Variants in ATL1 observed in about 807,000 individuals in gnomAD.
The protein encoded by ATL1 is atlastin GTPase 1.
ATL1 carries 31 observed loss-of-function variants against 75.5 expected under a neutral mutation model. The observed-to-expected ratio is 0.41, with a 90% CI of 0.31 to 0.55. The LOEUF (loss-of-function observed/expected upper bound fraction) is 0.55. Among genes scored for constraint, ATL1 ranks in the 20% least tolerant of loss-of-function variants. The pLI, the probability that ATL1 is intolerant of heterozygous loss-of-function variation, is 0.27. For synonymous variants in ATL1, 226 were observed against 233.3 expected (o/e 0.97, Z 0.28); for missense variants, 405 against 662.6 (o/e 0.61, Z 4.27).
intron 1 of ATL1, among the ~76,000 whole-genome samples, chr14:50,538,654 G>T (rs1306478733): frequency 6.6e-6 from 1 of 152,176 alleles, no homozygotes; most frequent in Non-Finnish European, 1.5e-5. Flanking sequence ...ATGCTTGGCT[G>T]GGATCCTATC....
intron 1 of ATL1, among the ~76,000 whole-genome samples, chr14:50,584,076 C>A (rs569123480): frequency 3.3e-5 from 5 of 152,246 alleles, no homozygotes; most frequent in African/African-American, 1.2e-4. Context: ...CAAAAGCAAA[C>A]TTTAAAACAT....
At chr14:50,573,561 T>G in intron 1 of ATL1, among the ~76,000 whole-genome samples, 1 of 152,226 alleles carries the variant, frequency 6.6e-6, no homozygotes, top group Admixed American at 6.5e-5. Context: ...TTTTTAATTT[T>G]TATAAATATC....
At chr14:50,591,847 G>C (rs1465746435) in intron 4 of ATL1, 2 of 528,680 alleles carry the variant, frequency 3.8e-6, no homozygotes, top group Admixed American at 6.5e-5. Flanking sequence ...CTTTCAAATT[G>C]ACTGCTTTGG....
chr14:50,567,450 C>T (rs1055931114), intron 1 of ATL1, among the ~76,000 whole-genome samples: 14 of 151,994 alleles, frequency 9.2e-5, no homozygotes, highest in African/African-American at 2.9e-4. Context: ...CCTTTGAGAC[C>T]CTGCTTTCAA....
chr14:50,614,719 G>A (rs942246861), intron 8 of ATL1, among the ~76,000 whole-genome samples: 1 of 152,078 alleles, frequency 6.6e-6, no homozygotes, highest in African/African-American at 2.4e-5. Flanking sequence ...TACACTGCCT[G>A]CAAAAATAGG....
At chr14:50,632,089 GATA>G (rs746028803) in intron 13 of ATL1, 137 bp from the exon 14 acceptor site, 6 of 562,548 alleles carry the variant, frequency 1.1e-5, no homozygotes, top group South Asian at 2.4e-5. Flanking sequence ...TGAATTTTAA[GATA>G]ATAATTTATA....
intron 1 of ATL1, among the ~76,000 whole-genome samples, chr14:50,538,863 C>A (rs983695325): frequency 6.6e-6 from 1 of 152,184 alleles, no homozygotes; most frequent in Non-Finnish European, 1.5e-5. Context: ...GGCTAGAATG[C>A]AGTGGCTATT....
At chr14:50,604,936 G>A (rs1300220917) in intron 6 of ATL1, among the ~76,000 whole-genome samples, 1 of 152,194 alleles carries the variant, frequency 6.6e-6, no homozygotes, top group Non-Finnish European at 1.5e-5. Context: ...GATACTTCAA[G>A]TAATTAGATG....
chr14:50,573,805 C>T (rs1440690786), intron 1 of ATL1, among the ~76,000 whole-genome samples: 3 of 152,092 alleles, frequency 2.0e-5, no homozygotes, highest in Non-Finnish European at 4.4e-5. Context: ...TTATTTTGCT[C>T]ATAGACCTTT....
chr14:50,582,441 A>G (rs1057401554), intron 1 of ATL1, among the ~76,000 whole-genome samples: 1 of 147,032 alleles, frequency 6.8e-6, no homozygotes, highest in African/African-American at 2.5e-5. Context: ...ACGGAGTCTC[A>G]CTCTGTCACC....
chr14:50,562,027 G>A (rs7152427), intron 1 of ATL1, among the ~76,000 whole-genome samples: 4 of 151,874 alleles, frequency 2.6e-5, no homozygotes, highest in Admixed American at 1.3e-4. Context: ...TCATTATTGC[G>A]CAGAATTTCC....
At chr14:50,552,910 A>C (rs897618640) in intron 1 of ATL1, among the ~76,000 whole-genome samples, 1 of 152,236 alleles carries the variant, frequency 6.6e-6, no homozygotes, top group Non-Finnish European at 1.5e-5. Context: ...CAAAGATTCT[A>C]GAAGATAACA....
chr14:50,552,070 CTG>C (rs1223320571), intron 1 of ATL1, among the ~76,000 whole-genome samples: 1 of 152,184 alleles, frequency 6.6e-6, no homozygotes, highest in African/African-American at 2.4e-5. Flanking sequence ...GGAAGTCAAA[CTG>C]TTGCTGTTCG....
At chr14:50,612,441 C>T (rs2039375136) in intron 6 of ATL1, among the ~76,000 whole-genome samples, 1 of 152,064 alleles carries the variant, frequency 6.6e-6, no homozygotes, top group African/African-American at 2.4e-5. Flanking sequence ...ACACATGACT[C>T]CCAGCTCAAT....
Position 50,560,305 on chromosome 14 carries a change from T to C in ATL1, c.34+6T>C. The C allele has an allele frequency of 1.2e-6, 2 of 1,613,610 alleles. No homozygotes were observed. Among genetic ancestry groups the C allele is most frequent in the East Asian group, 2.2e-5 (1 of 44,854 alleles). On this transcript the variant is annotated splice_donor_region_variant and intron_variant, in intron 1 of 13. Transcript: ENST00000358385. Reference sequence around the variant, plus strand: ...CAGGGACAGAAACAGTTGGGGTGAGTAGCAAATGAGAACTTCTGCAGCCTG... The same window carrying C: ...CAGGGACAGAAACAGTTGGGGTGAGCAGCAAATGAGAACTTCTGCAGCCTG...
At chr14:50,622,074 G>A (rs963893230) in intron 10 of ATL1, among the ~76,000 whole-genome samples, 175 bp downstream of exon 10, 1 of 152,164 alleles carries the variant, frequency 6.6e-6, no homozygotes, top group South Asian at 2.1e-4. Flanking sequence ...ACATATTGCA[G>A]CCTCACTTGT....
intron 1 of ATL1, among the ~76,000 whole-genome samples, chr14:50,537,471 C>T (rs1260190065): frequency 6.6e-6 from 1 of 152,106 alleles, no homozygotes; most frequent in African/African-American, 2.4e-5. Flanking sequence ...TGAGGTACTG[C>T]CTAGTGGAGC....
At chr14:50,578,811 G>A (rs781630761) in intron 1 of ATL1, among the ~76,000 whole-genome samples, 24 of 152,122 alleles carry the variant, frequency 1.6e-4, no homozygotes, top group Non-Finnish European at 5.9e-5. Context: ...ATCTGCAAAT[G>A]AATTCTTTGA....
chr14:50,566,148 C>A (rs2140180796), intron 1 of ATL1, among the ~76,000 whole-genome samples: 1 of 152,266 alleles, frequency 6.6e-6, no homozygotes, highest in African/African-American at 2.4e-5. Flanking sequence ...CAGGTGCCCG[C>A]CACCACACCC....
Sources: gnomAD v4.1 joint callset for allele counts (sites outside exome capture counted in the v4.1 genomes callset) on GRCh38, gnomAD v4.1.1 for gene constraint, MANE v1.5 for transcripts, NCBI Gene and HGNC (gene_info 2026-07-23, HGNC 2026-07-21) for gene names.